AIFM1: variants seen among roughly 807,000 people sequenced by gnomAD.
AIFM1 encodes apoptosis-inducing factor 1, mitochondrial.
Under a neutral mutation model 51.7 loss-of-function variants are expected in AIFM1, and 3 were observed. The ratio of observed to expected loss-of-function variants is 0.06; its 90% confidence interval spans 0.03 to 0.15. The LOEUF is 0.15. Ranked by LOEUF, AIFM1 falls within the 10% of genes least tolerant of loss-of-function variation. The probability of loss-of-function intolerance (pLI) is 1.00; values close to 1 mark genes in which losing one functional copy is unlikely to be tolerated. For synonymous variants in AIFM1, 178 were observed against 179.4 expected (o/e 0.99, Z 0.06); for missense variants, 330 against 476.8 (o/e 0.69, Z 2.87).
intron 5 of AIFM1, 28 bp from the exon 6 acceptor site, chrX:130,145,597 A>G: frequency 9.2e-7 from 1 of 1,084,150 alleles, no homozygotes; most frequent in Non-Finnish European, 1.3e-6. Flanking sequence ...GGAGAATATT[A>G]TAAGCATGTG....
At chrX:130,138,389 C>A (rs887939676) in intron 9 of AIFM1, among the ~76,000 whole-genome samples, 1 of 110,537 alleles carries the variant, frequency 9.0e-6, no homozygotes, top group African/African-American at 3.3e-5. Context: ...GGCCTGAACC[C>A]GGGAAGCGGA....
intron 1 of AIFM1, among the ~76,000 whole-genome samples, chrX:130,162,897 T>C: frequency 8.9e-6 from 1 of 111,972 alleles, no homozygotes; most frequent in African/African-American, 3.2e-5. Flanking sequence ...GACTATGAGT[T>C]ACCTTCAATC....
In AIFM1 at chrX:130,162,485, C is replaced by T. The variant is rs756844920; in HGVS notation, c.106+3066G>A. Among the ~76,000 whole-genome samples the T allele has an allele frequency of 4.5e-5, 5 of 112,320 alleles. No individual in the cohort carries two copies. In the South Asian group the frequency reaches 1.8e-3, roughly 41 times the overall value. ...TGATCTAGAAGAAAGCTAAGACATGCAGTAACTCCCTCAAAAAGTTAGAAC... is the reference window on the plus strand; with the variant it reads ...TGATCTAGAAGAAAGCTAAGACATGTAGTAACTCCCTCAAAAAGTTAGAAC... On this transcript the variant is annotated intron_variant, in intron 1 of 15. Coordinates refer to ENST00000287295, the MANE Select transcript of AIFM1 (RefSeq NM_004208.4).
chrX:130,147,463 G>A, intron 5 of AIFM1, 30 bp downstream of exon 5: 1 of 1,210,415 alleles, frequency 8.3e-7, no homozygotes, highest in Non-Finnish European at 1.1e-6. Context: ...AGCTGAAGTT[G>A]ATAGGCTCAT....
intron 1 of AIFM1, among the ~76,000 whole-genome samples, chrX:130,164,774 A>T (rs1404011729): frequency 9.0e-6 from 1 of 111,579 alleles, no homozygotes; most frequent in East Asian, 2.8e-4. Flanking sequence ...AGGCTAGCAA[A>T]CTATCCTTAG....
Position 130,133,346 on chromosome X carries a change from G to C in AIFM1, c.1415C>G (p.Ala472Gly). 1 of 1,211,387 alleles carries C rather than the reference G, an allele frequency of 8.3e-7. No individual in the cohort carries two copies. Among genetic ancestry groups the C allele is most frequent in the Non-Finnish European group, 1.1e-6 (1 of 895,387 alleles). Residue 472 changes from alanine (A) to glycine (G), a missense_variant, in exon 13 of 16, where the codon GCT becomes GGT. Around this residue, in one of 4 missense-constraint regions of AIFM1, gnomAD observed 152 missense variants for 292.8 expected, o/e 0.52. Coordinates refer to ENST00000287295, the MANE Select transcript of AIFM1 (RefSeq NM_004208.4). Reference protein sequence around the residue: ...GRLAGENMTGAAKPYWHQSMF... With the variant: ...GRLAGENMTGGAKPYWHQSMF... ...TGACTGATGCCAGTACGGCTTAGCAGCTCCAGTCATATTTTCTCCAGCCAA... is the reference window on the plus strand; with the variant it reads ...TGACTGATGCCAGTACGGCTTAGCACCTCCAGTCATATTTTCTCCAGCCAA...
rs1248848424 is a variant in AIFM1 at position 130,162,964 on chromosome X, T to C, written c.106+2587A>G. Among the ~76,000 whole-genome samples the C allele has an allele frequency of 2.7e-5, 3 of 111,288 alleles. No homozygotes were observed. The Admixed American group carries it at 2.9e-4, about 11-fold the overall frequency. On this transcript the variant is annotated intron_variant, in intron 1 of 15. Coordinates refer to ENST00000287295, the MANE Select transcript of AIFM1 (RefSeq NM_004208.4). ...ATAAAGTAAATAAACAAATAGTAGC[T>C]ATCATGGTTTTAAGGCAGAATGCAA... is the stretch of plus-strand genomic sequence containing the variant.
In AIFM1 at chrX:130,130,109, G is replaced by A. The variant is rs1569415383; in HGVS notation, c.1631C>T (p.Pro544Leu). The part of the protein sequence containing the change: ...TESEASEITI[P>L]PSTPAVPQAP... ...CTGTGGAACTGCCGGGGTGCTGGGA[G>A]GAATAGTAATTTCTGAGGCCTCGGA... Residue 544 changes from proline to leucine, a missense_variant, in exon 15 of 16, where the codon CCT (proline) becomes CTT (leucine). Pro to Leu is a moderately conservative substitution (Grantham distance 98, BLOSUM62 -3). This residue lies in a region of AIFM1 where 56 missense variants were observed against 48.8 expected (regional missense o/e 1.15). Coordinates refer to ENST00000287295, the MANE Select transcript of AIFM1 (RefSeq NM_004208.4). 7 of 1,212,060 alleles carry A rather than the reference G, an allele frequency of 5.8e-6. No individual in the cohort carries two copies. Among genetic ancestry groups the A allele is most frequent in the Admixed American group, 2.2e-5 (1 of 46,035 alleles).
At chrX:130,154,219 T>A (rs2031091325) in intron 2 of AIFM1, among the ~76,000 whole-genome samples, 1 of 112,119 alleles carries the variant, frequency 8.9e-6, no homozygotes, top group African/African-American at 3.2e-5. Flanking sequence ...GAGGAACTTG[T>A]GCTTCTTAGA....
At chrX:130,165,471 G>A (rs1603232976) in intron 1 of AIFM1, 80 bp downstream of exon 1, 1 of 833,707 alleles carries the variant, frequency 1.2e-6, no homozygotes, top group Admixed American at 2.6e-5. Flanking sequence ...CGGGGACGCG[G>A]GGGTAGAGGG....
Position 130,137,145 on chromosome X carries a change from C to T in AIFM1, c.1008G>A (p.Glu336=), listed in dbSNP as rs2030378578. ...GGAGGATCTTTCCCATATTTCCTTT[C>T]TCGGGGAAGAGTTGAATCACTTCTG... is the stretch of plus-strand genomic sequence containing the variant. ...LGTEVIQLFP[E]KGNMGKILPE... The change falls in exon 10 of 16, where the codon GAG becomes GAA. Residue 336 remains glutamate (E), a synonymous_variant. Transcript: ENST00000287295. 3 of 1,211,446 alleles carry T rather than the reference C, an allele frequency of 2.5e-6. No individual in the cohort carries two copies. Among genetic ancestry groups the T allele is most frequent in the Non-Finnish European group, 3.4e-6 (3 of 895,478 alleles).
chrX:130,142,361 C>A (rs1447636659), intron 6 of AIFM1, among the ~76,000 whole-genome samples: 1 of 111,218 alleles, frequency 9.0e-6, no homozygotes, highest in Non-Finnish European at 1.9e-5. Flanking sequence ...TCCAATCCCG[C>A]TACTCAACCC....
chrX:130,138,816 G>C (rs1186835968), intron 8 of AIFM1, 115 bp from the exon 9 acceptor site: 7 of 529,157 alleles, frequency 1.3e-5, no homozygotes, highest in Non-Finnish European at 2.3e-5. Flanking sequence ...CTTGTATAAA[G>C]TGACTCAATT....
intron 1 of AIFM1, among the ~76,000 whole-genome samples, chrX:130,159,686 T>C (rs1218355398): frequency 9.1e-6 from 1 of 109,999 alleles, no homozygotes; most frequent in African/African-American, 3.3e-5. Flanking sequence ...ACAAATTTGT[T>C]TTAATATCAT....
chrX:130,149,079 G>A (rs1477416360), intron 3 of AIFM1, among the ~76,000 whole-genome samples: 2 of 107,422 alleles, frequency 1.9e-5, no homozygotes, highest in African/African-American at 6.8e-5. Flanking sequence ...GCACCACCAC[G>A]CCTGGCTAAT....
At chrX:130,133,485 A>G in intron 12 of AIFM1, 30 bp from the exon 13 acceptor site, 3 of 1,199,138 alleles carry the variant, frequency 2.5e-6, no homozygotes, top group Non-Finnish European at 3.4e-6. Flanking sequence ...ACATGAACAC[A>G]TGATAAAAAA....
Position 130,142,210 on chromosome X carries a change from C to T in AIFM1, c.697-1593G>A, listed in dbSNP as rs771709836. Among the ~76,000 whole-genome samples the T allele has an allele frequency of 8.1e-5, 9 of 111,750 alleles. No individual in the cohort carries two copies. In the East Asian group the frequency reaches 2.0e-3, roughly 24 times the overall value. ...TAAGTGGTAAGAACAGTGCAGGTAG[C>T]GCTGGGAACATATGACATGTGCAAT... On this transcript the variant is annotated intron_variant, in intron 6 of 15. Transcript: ENST00000287295.
At chrX:130,143,826 G>A (rs1181650690) in intron 6 of AIFM1, among the ~76,000 whole-genome samples, 1 of 109,596 alleles carries the variant, frequency 9.1e-6, no homozygotes, top group African/African-American at 3.3e-5. Flanking sequence ...CAGCCTGGGC[G>A]ACAGAGTGAG....
intron 3 of AIFM1, 50 bp from the exon 4 acceptor site, chrX:130,147,926 T>C: frequency 8.3e-7 from 1 of 1,206,760 alleles, no homozygotes; most frequent in Non-Finnish European, 1.1e-6. Flanking sequence ...TCTCAGATGA[T>C]TCTTTGCCAC....
Sources: allele counts gnomAD v4.1 joint callset (sites outside exome capture counted in the v4.1 genomes callset), GRCh38; gene constraint gnomAD v4.1.1; regional missense constraint gnomAD v4.1.1; transcripts MANE v1.5; gene names NCBI Gene and HGNC (gene_info 2026-07-23, HGNC 2026-07-21).